Variants in SPRY3 observed in about 807,000 individuals in gnomAD.
SPRY3 encodes sprouty RTK signaling antagonist 3.
A neutral mutation model predicts 20.2 loss-of-function variants in SPRY3; 15 were observed. That is an observed-to-expected ratio of 0.74 (90% confidence interval 0.50 to 1.14). The LOEUF is 1.14. SPRY3 is among the 50% of genes most tolerant of loss of function. SPRY3 has a pLI of 0.00. For synonymous variants in SPRY3, 143 were observed against 136.5 expected (o/e 1.05, Z -0.33); for missense variants, 364 against 363.9 (o/e 1.00, Z 0.00).
intron 2 of SPRY3, among the ~76,000 whole-genome samples, chrX:155,756,879 G>T (rs912559789): frequency 3.9e-5 from 6 of 152,038 alleles, no homozygotes; most frequent in African/African-American, 1.4e-4. Flanking sequence ...TAGAAAATGG[G>T]TATTTTGATG....
rs781974319 is a variant in SPRY3, at chrX:155,628,601, GC to G, written c.-441+15955del. The stretch of plus-strand genomic sequence containing the variant: ...CAACATCACTGATCATTAGAGAAAT[GC>G]AAATCAAAACCACAATGAAATACCA... On this transcript the variant is annotated intron_variant, in intron 1 of 3. Transcript: ENST00000675360. Among the ~76,000 whole-genome samples the G allele has an allele frequency of 4.4e-5, 5 of 112,382 alleles. No homozygotes were observed. In the South Asian group the frequency reaches 1.8e-3, roughly 41 times the overall value.
chrX:155,778,480 G>A (rs1304345427), downstream of SPRY3: 1 of 166,894 alleles, frequency 6.0e-6, no homozygotes, highest in Non-Finnish European at 1.5e-5. Context: ...TGCCAAAGAG[G>A]GTAAGCGTTT....
At chrX:155,674,299 G>A (rs1181344733) in intron 2 of SPRY3, among the ~76,000 whole-genome samples, 2 of 109,445 alleles carry the variant, frequency 1.8e-5, no homozygotes, top group African/African-American at 6.6e-5. Flanking sequence ...GGGAACCAGT[G>A]TGACAAAGAC....
chrX:155,763,519 G>C (rs1309690142), intron 2 of SPRY3, among the ~76,000 whole-genome samples: 1 of 151,910 alleles, frequency 6.6e-6, no homozygotes, highest in Non-Finnish European at 1.5e-5. Context: ...TTATTCCTTT[G>C]TTCTAAAATT....
intron 2 of SPRY3, among the ~76,000 whole-genome samples, chrX:155,670,552 T>TTTACAGTA (rs1557354660): frequency 8.9e-6 from 1 of 112,302 alleles, no homozygotes; most frequent in African/African-American, 3.2e-5. Context: ...AACAGTACTG[T>TTTACAGTA]AACATCTTAG....
At position 155,618,052 on chromosome X, in the gene SPRY3, A is replaced by G. The variant is rs889856674; in HGVS notation, c.-441+5405A>G. ...TGAATTTTACCAGTTACACATGCATATGTGTGTGTGTGTAGTTGTATAAAA... is the reference window on the plus strand; with the variant it reads ...TGAATTTTACCAGTTACACATGCATGTGTGTGTGTGTGTAGTTGTATAAAA... On this transcript the variant is annotated intron_variant, in intron 1 of 3. Coordinates refer to ENST00000675360, the Ensembl canonical transcript of SPRY3. Among the ~76,000 whole-genome samples the G allele has an allele frequency of 3.6e-5, 4 of 111,367 alleles. No homozygotes were observed. In the Admixed American group the frequency reaches 3.8e-4, roughly 11 times the overall value.
At chrX:155,723,906 TA>T (rs1305242410) in intron 2 of SPRY3, among the ~76,000 whole-genome samples, 14 of 152,180 alleles carry the variant, frequency 9.2e-5, no homozygotes, top group Non-Finnish European at 1.8e-4. Flanking sequence ...CCAGGGTTTT[TA>T]ATGGTTTTAG....
At chrX:155,774,980 C>T (rs2091414717) in exon 4 of SPRY3, 2 of 587,984 alleles carry the variant, frequency 3.4e-6, no homozygotes. Context: ...TTATGGTTGT[C>T]ATGGCAAATT....
downstream of SPRY3, chrX:155,781,363 G>A (rs1271646944): frequency 6.0e-6 from 1 of 166,986 alleles, no homozygotes; most frequent in Non-Finnish European, 1.5e-5. Context: ...GACCAATTAA[G>A]TCAGAATCTT....
At chrX:155,779,907 A>T (rs1277167183), downstream of SPRY3, 1 of 166,990 alleles carries the variant, frequency 6.0e-6, no homozygotes, top group Non-Finnish European at 1.5e-5. Flanking sequence ...AGGTTTGATA[A>T]GATTTTGTAG....
intron 2 of SPRY3, among the ~76,000 whole-genome samples, chrX:155,698,392 C>T (rs2068125895): frequency 9.0e-6 from 1 of 111,567 alleles, no homozygotes; most frequent in African/African-American, 3.3e-5. Flanking sequence ...GTGTCTACCA[C>T]ATTCCATTTC....
chrX:155,621,747 C>T (rs186495179), intron 1 of SPRY3, among the ~76,000 whole-genome samples: 43 of 111,454 alleles, frequency 3.9e-4, no homozygotes, highest in African/African-American at 1.0e-3. Flanking sequence ...AATGCTTGGC[C>T]CAACTTCTCT....
At chrX:155,664,146 T>C (rs993233780) in intron 2 of SPRY3, among the ~76,000 whole-genome samples, 1 of 110,446 alleles carries the variant, frequency 9.1e-6, no homozygotes, top group Non-Finnish European at 1.9e-5. Flanking sequence ...AATGCAATAA[T>C]TTAAAAGTGT....
chrX:155,678,771 A>G (rs765996503), intron 2 of SPRY3, among the ~76,000 whole-genome samples: 4 of 112,461 alleles, frequency 3.6e-5, no homozygotes, highest in Non-Finnish European at 7.5e-5. Context: ...GTAATCTATC[A>G]TCTCACTTAT....
chrX:155,754,024 C>T (rs1300334098), intron 2 of SPRY3, among the ~76,000 whole-genome samples: 1 of 151,890 alleles, frequency 6.6e-6, no homozygotes, highest in African/African-American at 2.4e-5. Flanking sequence ...ACATTTTCTC[C>T]TATTCTGTGG....
chrX:155,773,336 A>ATATATT (rs1255722618), intron 3 of SPRY3, among the ~76,000 whole-genome samples: 5 of 145,356 alleles, frequency 3.4e-5, no homozygotes, highest in Non-Finnish European at 7.5e-5. Context: ...ATATATATAT[A>ATATATT]TATATGAGCA....
At position 155,663,850 on chromosome X, in the gene SPRY3, A is replaced by G. The variant is rs181767863; in HGVS notation, c.-282+6825A>G. Reference sequence around the variant, plus strand: ...AATTTTTCTAAATAGCAAAAGATAGACCAAAATTAAAAACCAATGCAAACA... The same window carrying G: ...AATTTTTCTAAATAGCAAAAGATAGGCCAAAATTAAAAACCAATGCAAACA... On this transcript the variant is annotated intron_variant, in intron 2 of 3. Transcript: ENST00000675360. 3.6e-3 allele frequency among the ~76,000 whole-genome samples: 396 copies of G among 111,528 alleles called. 5 individuals carry two copies. The highest frequency in any genetic ancestry group is 0.012 in the African/African-American group (377 of 30,820).
chrX:155,749,132 A>G (rs755947571), intron 2 of SPRY3, among the ~76,000 whole-genome samples: 2 of 152,064 alleles, frequency 1.3e-5, no homozygotes, highest in Admixed American at 1.3e-4. Flanking sequence ...AAGCTTTTAC[A>G]AAAAAGGAAG....
chrX:155,742,233 T>TA (rs2091207251), intron 2 of SPRY3, among the ~76,000 whole-genome samples: 1 of 151,700 alleles, frequency 6.6e-6, no homozygotes, highest in African/African-American at 2.4e-5. Flanking sequence ...CCAACAAAGA[T>TA]CAAAAAAGAC....
Sources: allele counts gnomAD v4.1 joint callset (sites outside exome capture counted in the v4.1 genomes callset), GRCh38; gene constraint gnomAD v4.1.1; transcripts MANE v1.5; gene names NCBI Gene and HGNC (gene_info 2026-07-23, HGNC 2026-07-21).